RORA: variants seen among roughly 807,000 people sequenced by gnomAD.
RORA encodes nuclear receptor ROR-alpha.
In RORA, 7 loss-of-function variants were observed where a neutral mutation model predicts 69.5. The observed-to-expected ratio is 0.10, with a 90% CI of 0.06 to 0.19. The LOEUF (loss-of-function observed/expected upper bound fraction) is 0.19. RORA is among the 10% of genes least tolerant of loss of function. RORA has a pLI of 1.00. For missense variants in RORA, 457 were observed against 663.0 expected (o/e 0.69, Z 3.41); for synonymous variants, 261 against 240.8 (o/e 1.08, Z -0.78).
At chr15:60,502,408 T>G (rs986505256) in intron 8 of RORA, among the ~76,000 whole-genome samples, 2 of 152,218 alleles carry the variant, frequency 1.3e-5, no homozygotes, top group Non-Finnish European at 2.9e-5. Flanking sequence ...GCTTTTGCCC[T>G]TTGCTTAATT....
rs2065918603 is a variant in RORA at position 60,516,151 on chromosome 15, A to AT, written c.283-1395dup. ...ATTAAATATATTTATATATATTTAT[A>AT]TATATATATTTATATATATATTTAT... is the stretch of plus-strand genomic sequence containing the variant. On this transcript the variant is annotated intron_variant, in intron 3 of 10. Transcript: ENST00000335670. Among the ~76,000 whole-genome samples, 7 of 39,836 alleles carry AT rather than the reference A, an allele frequency of 1.8e-4. 1 individual carries two copies. The highest frequency in any genetic ancestry group is 2.8e-4 in the Non-Finnish European group (6 of 21,240). The allele number at this position is 39,836 out of a possible 152,430, so 26.1% of individuals were successfully genotyped here. A position where few individuals can be genotyped will look rare whatever the true frequency, so the allele number is the denominator to read the frequency against.
intron 1 of RORA, among the ~76,000 whole-genome samples, chr15:61,043,857 T>C (rs894905544): frequency 1.3e-5 from 2 of 152,154 alleles, no homozygotes; most frequent in African/African-American, 4.8e-5. Flanking sequence ...TGGTGACTCT[T>C]AAGCACTGTG....
intron 2 of RORA, among the ~76,000 whole-genome samples, chr15:60,664,021 T>C (rs1349752549): frequency 6.6e-6 from 1 of 152,146 alleles, no homozygotes; most frequent in Admixed American, 6.5e-5. Flanking sequence ...TCATTAGAAA[T>C]CTAACCTAAG....
At chr15:60,665,755 A>C (rs2070369004) in intron 2 of RORA, among the ~76,000 whole-genome samples, 1 of 151,826 alleles carries the variant, frequency 6.6e-6, no homozygotes, top group South Asian at 2.1e-4. Flanking sequence ...GCTCACTGCA[A>C]CCTCCATCTC....
chr15:60,677,098 C>T (rs2140746011), intron 2 of RORA: 1 of 447,714 alleles, frequency 2.2e-6, no homozygotes, highest in Non-Finnish European at 4.5e-6. Context: ...AATCATCAGC[C>T]CCTGTTGGGG....
At chr15:61,202,094 G>C (rs541873192) in intron 1 of RORA, among the ~76,000 whole-genome samples, 1 of 149,588 alleles carries the variant, frequency 6.7e-6, no homozygotes, top group African/African-American at 2.5e-5. Flanking sequence ...TGCAACCTCC[G>C]CCTCCCAGGT....
rs550428714 is a variant in RORA, at chr15:60,756,436, AT to A, written c.167-77751del. 3.3e-5 allele frequency among the ~76,000 whole-genome samples: 5 copies of A among 152,374 alleles called. No homozygotes were observed. The East Asian group carries it at 9.6e-4, about 29-fold the overall frequency. On this transcript the variant is annotated intron_variant, in intron 1 of 10. Coordinates refer to ENST00000335670, the MANE Select transcript of RORA (RefSeq NM_134261.3). ...TTCTGAAGTAAAATTTGAAAAGTTTATAAAGACTGTGCATCTGATGATAACT... is the reference window on the plus strand; with the variant it reads ...TTCTGAAGTAAAATTTGAAAAGTTTAAAAGACTGTGCATCTGATGATAACT...
At chr15:61,174,221 T>A (rs1389552741) in intron 1 of RORA, among the ~76,000 whole-genome samples, 1 of 152,206 alleles carries the variant, frequency 6.6e-6, no homozygotes, top group Non-Finnish European at 1.5e-5. Flanking sequence ...AAGCCTTCTC[T>A]GCTGGCTTCT....
At chr15:60,812,449 G>A (rs2072757573) in intron 1 of RORA, among the ~76,000 whole-genome samples, 1 of 152,200 alleles carries the variant, frequency 6.6e-6, no homozygotes, top group African/African-American at 2.4e-5. Flanking sequence ...GTTCAAGGCT[G>A]CAGTCAGCCA....
chr15:60,883,968 T>C (rs906745902), intron 1 of RORA, among the ~76,000 whole-genome samples: 4 of 152,238 alleles, frequency 2.6e-5, no homozygotes, highest in African/African-American at 9.6e-5. Context: ...CATTCTTCTC[T>C]GATTTGAGCT....
At chr15:60,910,586 G>A (rs11852435) in intron 1 of RORA, among the ~76,000 whole-genome samples, 3,095 of 152,202 alleles carry the variant, frequency 0.02, 104 homozygotes, top group South Asian at 0.086. Flanking sequence ...TGGGGGTCCC[G>A]TTTTAGACAT....
intron 1 of RORA, among the ~76,000 whole-genome samples, chr15:60,936,602 CT>C (rs35636707): frequency 0.15 from 23,411 of 152,216 alleles, 1,923 homozygotes; most frequent in Admixed American, 0.2. Context: ...CTATCCACCC[CT>C]GAGAGCAACT....
chr15:60,885,284 T>C (rs550763438), intron 1 of RORA, among the ~76,000 whole-genome samples: 1 of 152,190 alleles, frequency 6.6e-6, no homozygotes, highest in African/African-American at 2.4e-5. Context: ...TACTCTGTAG[T>C]AGAACCATGT....
At chr15:60,506,621 G>A (rs1328698466) in intron 5 of RORA, among the ~76,000 whole-genome samples, 1 of 152,106 alleles carries the variant, frequency 6.6e-6, no homozygotes, top group East Asian at 1.9e-4. Flanking sequence ...GGGAGGCTGA[G>A]CTGGGCAGAC....
intron 1 of RORA, among the ~76,000 whole-genome samples, chr15:60,685,819 A>G (rs1486485352): frequency 6.6e-6 from 1 of 152,314 alleles, no homozygotes; most frequent in East Asian, 1.9e-4. Context: ...CGACAATCAA[A>G]CATTTTGTAA....
intron 1 of RORA, among the ~76,000 whole-genome samples, chr15:60,932,277 G>C (rs1892395803): frequency 6.6e-6 from 1 of 152,126 alleles, no homozygotes; most frequent in Non-Finnish European, 1.5e-5. Context: ...ATGAGCAGCT[G>C]CCTTGGACCA....
chr15:60,894,300 T>C (rs906194528), intron 1 of RORA, among the ~76,000 whole-genome samples: 2 of 152,242 alleles, frequency 1.3e-5, no homozygotes, highest in Non-Finnish European at 2.9e-5. Flanking sequence ...AAATGCAATA[T>C]GTTAATGCTT....
intron 1 of RORA, among the ~76,000 whole-genome samples, chr15:61,060,810 ATAAAATACAC>A (rs755892461): frequency 1.6e-4 from 25 of 152,190 alleles, no homozygotes; most frequent in Non-Finnish European, 2.6e-4. Context: ...TGGGCCACAC[ATAAAATACAC>A]TAACTATAGC....
At chr15:61,149,512 AT>A (rs2079380076) in intron 1 of RORA, among the ~76,000 whole-genome samples, 1 of 152,100 alleles carries the variant, frequency 6.6e-6, no homozygotes, top group South Asian at 2.1e-4. Context: ...TTATTTATTT[AT>A]TGCCTTTCCT....
Sources: gnomAD v4.1 joint callset for allele counts (sites outside exome capture counted in the v4.1 genomes callset) on GRCh38, gnomAD v4.1.1 for gene constraint, MANE v1.5 for transcripts, NCBI Gene and HGNC (gene_info 2026-07-23, HGNC 2026-07-21) for gene names.